The following FER variants were observed in gnomAD, a reference collection of about 807,000 sequenced individuals.
The protein encoded by FER is tyrosine-protein kinase Fer.
FER carries 63 observed loss-of-function variants against 111.0 expected under a neutral mutation model. The ratio of observed to expected loss-of-function variants is 0.57; its 90% CI spans 0.46 to 0.70. FER has a LOEUF of 0.70. FER is among the 30% of genes least tolerant of loss of function. The probability of loss-of-function intolerance (pLI) is 0.00; values close to 1 mark genes in which losing one functional copy is unlikely to be tolerated. For missense variants in FER, 914 were observed against 954.0 expected (o/e 0.96, Z 0.55); for synonymous variants, 327 against 313.9 (o/e 1.04, Z -0.44).
In FER at chr5:109,037,455, A is replaced by G. The variant is rs768141758; in HGVS notation, c.1690A>G (p.Ile564Val). 2.1e-5 allele frequency: 34 copies of G among 1,612,086 alleles called. No homozygotes were observed. The South Asian group carries it at 3.3e-4, about 16-fold the overall frequency. Residue 564 changes from isoleucine to valine, a missense_variant, in exon 14 of 20, where the codon ATA (isoleucine) becomes GTA (valine). Transcript: ENST00000281092. The stretch of plus-strand genomic sequence containing the variant: ...ATGGATTCTCAGTCATGAAGATGTC[A>G]TATTGGGAGAATTACTGGGCAAGGT... Reference protein sequence around the residue: ...KKWILSHEDVILGELLGKGNF... With the variant: ...KKWILSHEDVVLGELLGKGNF...
At chr5:109,085,189 A>T (rs905547947) in intron 16 of FER, among the ~76,000 whole-genome samples, 3 of 151,796 alleles carry the variant, frequency 2.0e-5, no homozygotes, top group African/African-American at 4.8e-5. Flanking sequence ...TAAGCCTTCC[A>T]ATTTATGGAC....
intron 13 of FER, among the ~76,000 whole-genome samples, chr5:109,027,979 T>C (rs1265505215): frequency 6.6e-6 from 1 of 152,220 alleles, no homozygotes; most frequent in African/African-American, 2.4e-5. Flanking sequence ...TTAATGACAA[T>C]TTTGTTGAAA....
intron 15 of FER, among the ~76,000 whole-genome samples, chr5:109,045,726 C>G (rs1771873366): frequency 6.6e-6 from 1 of 152,170 alleles, no homozygotes; most frequent in African/African-American, 2.4e-5. Context: ...TCTGAAATTA[C>G]TAAGTGATTG....
intron 5 of FER, among the ~76,000 whole-genome samples, chr5:108,867,399 A>C (rs564104756): frequency 6.6e-6 from 1 of 152,226 alleles, no homozygotes; most frequent in Non-Finnish European, 1.5e-5. Context: ...AGACCTCAAA[A>C]TTTAACATTA....
At chr5:108,914,085 T>C (rs970419659) in intron 10 of FER, among the ~76,000 whole-genome samples, 1 of 152,200 alleles carries the variant, frequency 6.6e-6, no homozygotes, top group Admixed American at 6.5e-5. Flanking sequence ...TTACAGGGAC[T>C]TTTTCAATCT....
At chr5:109,151,106 G>A (rs529221685) in intron 17 of FER, among the ~76,000 whole-genome samples, 9 of 152,156 alleles carry the variant, frequency 5.9e-5, no homozygotes, top group Admixed American at 2.6e-4. Context: ...GTTGTAATTC[G>A]CTGAATGATG....
chr5:108,888,532 A>G (rs960094210), intron 9 of FER, among the ~76,000 whole-genome samples: 7 of 151,820 alleles, frequency 4.6e-5, no homozygotes, highest in Non-Finnish European at 8.8e-5. Flanking sequence ...GAGTGTTCAG[A>G]CATAGGAAAT....
At chr5:109,012,966 C>G (rs1249689882) in intron 13 of FER, among the ~76,000 whole-genome samples, 7 of 151,688 alleles carry the variant, frequency 4.6e-5, no homozygotes, top group African/African-American at 1.7e-4. Flanking sequence ...TTATTTCTCC[C>G]TTGGCTGAAC....
At chr5:108,963,390 C>T (rs545226663) in intron 13 of FER, among the ~76,000 whole-genome samples, 9 of 152,026 alleles carry the variant, frequency 5.9e-5, no homozygotes, top group East Asian at 1.9e-4. Context: ...AGTGAAACCC[C>T]GTCTCTACTA....
At chr5:108,763,594 A>G (rs1751996988) in intron 1 of FER, among the ~76,000 whole-genome samples, 1 of 152,176 alleles carries the variant, frequency 6.6e-6, no homozygotes, top group Non-Finnish European at 1.5e-5. Flanking sequence ...GAATATAAGT[A>G]AATGTTTCCA....
intron 13 of FER, among the ~76,000 whole-genome samples, chr5:109,009,845 T>C (rs1380964161): frequency 6.6e-6 from 1 of 152,170 alleles, no homozygotes; most frequent in Admixed American, 6.5e-5. Flanking sequence ...TGGCTAGTCT[T>C]TTAAGCCCAG....
intron 18 of FER, among the ~76,000 whole-genome samples, chr5:109,181,740 T>TA (rs1758314264): frequency 6.6e-6 from 1 of 152,206 alleles, no homozygotes; most frequent in Admixed American, 6.5e-5. Context: ...AAAGCTTTTT[T>TA]AAAAAATTGA....
In FER at chr5:108,927,252, CTTT is replaced by C. The variant is rs766702172; in HGVS notation, c.1237-18861_1237-18859del. 3.3e-4 allele frequency among the ~76,000 whole-genome samples: 31 copies of C among 95,228 alleles called. 1 individual carries two copies. Among genetic ancestry groups the C allele is most frequent in the African/African-American group, 1.3e-3 (22 of 17,264 alleles). The allele number at this position is 95,228 out of a possible 152,430, so 62.5% of individuals were successfully genotyped here. ...TGTAATTCAGCATTGAGAAGTGGCTCTTTTTTTTTTTTTTTTTTTGAGACGGAG... is the reference window on the plus strand; with the variant it reads ...TGTAATTCAGCATTGAGAAGTGGCTCTTTTTTTTTTTTTTTTGAGACGGAG... On this transcript the variant is annotated intron_variant, in intron 10 of 19. Transcript: ENST00000281092.
chr5:109,119,259 G>T (rs556754442), intron 17 of FER, among the ~76,000 whole-genome samples: 1 of 152,134 alleles, frequency 6.6e-6, no homozygotes, highest in South Asian at 2.1e-4. Flanking sequence ...CCTTCATTTT[G>T]TTATGTACCC....
At chr5:109,052,853 C>G (rs185802368) in intron 16 of FER, among the ~76,000 whole-genome samples, 83 of 152,234 alleles carry the variant, frequency 5.5e-4, no homozygotes, top group African/African-American at 1.9e-3. Context: ...CTAAATTTTC[C>G]TAAAGGCTGT....
At position 109,168,288 on chromosome 5, in the gene FER, C is replaced by T. The variant is rs757230240; in HGVS notation, c.2049-12459C>T. On this transcript the variant is annotated intron_variant, in intron 17 of 19. Transcript: ENST00000281092. ...TGTCCCCTTTTCCTGGCATAAATGA[C>T]GTCTTTTTATATGCTAATGAGTTGA... is the stretch of plus-strand genomic sequence containing the variant. 1.3e-4 allele frequency among the ~76,000 whole-genome samples: 20 copies of T among 152,220 alleles called. No homozygotes were observed. The East Asian group carries it at 1.7e-3, about 13-fold the overall frequency.
At chr5:109,051,383 C>T in intron 16 of FER, 1 of 1,612,392 alleles carries the variant, frequency 6.2e-7, no homozygotes, top group Non-Finnish European at 8.5e-7. Context: ...GGTTGCTGGT[C>T]CACAATGGCT....
intron 16 of FER, among the ~76,000 whole-genome samples, chr5:109,053,005 C>G (rs1301819648): frequency 6.6e-6 from 1 of 152,160 alleles, no homozygotes. Flanking sequence ...TGGAAAATAT[C>G]AGATCACCAA....
At chr5:108,961,422 A>G (rs1162833852) in intron 13 of FER, among the ~76,000 whole-genome samples, 1 of 152,218 alleles carries the variant, frequency 6.6e-6, no homozygotes, top group African/African-American at 2.4e-5. Context: ...CTTTGATAAT[A>G]GATTAGATTC....
Sources: gnomAD v4.1 joint callset for allele counts (sites outside exome capture counted in the v4.1 genomes callset) on GRCh38, gnomAD v4.1.1 for gene constraint, MANE v1.5 for transcripts, NCBI Gene and HGNC (gene_info 2026-07-23, HGNC 2026-07-21) for gene names.